Variants in DIS3L2 observed in about 807,000 individuals in gnomAD.
DIS3L2 encodes DIS3 like 3'-5' exoribonuclease 2, also known as DIS3-like exonuclease 2.
DIS3L2 carries 34 observed loss-of-function variants against 97.5 expected under a neutral mutation model. The observed-to-expected ratio is 0.35, with a 90% CI of 0.27 to 0.46. DIS3L2 has a LOEUF of 0.46. Ranked by LOEUF, DIS3L2 falls within the 20% of genes least tolerant of loss-of-function variation. DIS3L2 has a pLI of 1.00. For synonymous variants in DIS3L2, 435 were observed against 445.2 expected (o/e 0.98, Z 0.29); for missense variants, 1,038 against 1,146.0 (o/e 0.91, Z 1.36).
chr2:232,163,658 C>T (rs781304578), intron 9 of DIS3L2, 26 bp downstream of exon 9: 7 of 1,603,218 alleles, frequency 4.4e-6, no homozygotes, highest in Middle Eastern at 2.2e-4. Context: ...CCTTTAAGAA[C>T]GTATATCTCC....
intron 5 of DIS3L2, among the ~76,000 whole-genome samples, chr2:232,086,535 C>CA (rs1168919900): frequency 6.9e-6 from 1 of 144,372 alleles, no homozygotes; most frequent in African/African-American, 2.6e-5. Flanking sequence ...TTTGTGGAAC[C>CA]ATTAGTGGCA....
In DIS3L2 at chr2:232,263,378, C is replaced by A. The variant is rs372209368; in HGVS notation, c.1597C>A (p.His533Asn). Residue 533 changes from histidine (H) to asparagine (N), a missense_variant, in exon 13 of 21, where the codon CAC becomes AAC. Transcript: ENST00000325385. Reference protein sequence around the residue: ...EEVHQAVLNLHGIAKQLRQQR... With the variant: ...EEVHQAVLNLNGIAKQLRQQR... Reference sequence around the variant, plus strand: ...GGTACACCAGGCCGTCTTGAATCTCCACGGAATTGCCAAGCAGTTACGCCA... The same window carrying A: ...GGTACACCAGGCCGTCTTGAATCTCAACGGAATTGCCAAGCAGTTACGCCA... 1.6e-5 allele frequency: 26 copies of A among 1,614,186 alleles called. No individual in the cohort carries two copies. The African/African-American group carries it at 3.3e-4, about 21-fold the overall frequency.
intron 5 of DIS3L2, among the ~76,000 whole-genome samples, chr2:232,067,897 G>C (rs1695895577): frequency 2.0e-5 from 3 of 152,048 alleles, no homozygotes; most frequent in Admixed American, 2.0e-4. Flanking sequence ...TTGAATCACT[G>C]TGTCTAATAT....
At chr2:232,263,181 C>A in intron 12 of DIS3L2, 26 bp from the exon 13 acceptor site, 4 of 1,608,078 alleles carry the variant, frequency 2.5e-6, no homozygotes, top group South Asian at 1.1e-5. Flanking sequence ...CCTCACAATT[C>A]CCTTGTAATC....
chr2:232,247,613 C>CGGGGGGG (rs1559173516), intron 11 of DIS3L2, among the ~76,000 whole-genome samples: 1 of 12,384 alleles, frequency 8.1e-5, no homozygotes, highest in African/African-American at 3.1e-4. Flanking sequence ...CATATAACTG[C>CGGGGGGG]CGCGGGGGGG....
chr2:232,196,586 C>A (rs569492122), intron 9 of DIS3L2, among the ~76,000 whole-genome samples: 5 of 152,182 alleles, frequency 3.3e-5, no homozygotes, highest in African/African-American at 9.6e-5. Flanking sequence ...AAAGACTTGA[C>A]AGGAAAGCCC....
intron 5 of DIS3L2, among the ~76,000 whole-genome samples, chr2:232,061,432 T>C (rs1695700457): frequency 6.6e-6 from 1 of 152,214 alleles, no homozygotes; most frequent in Non-Finnish European, 1.5e-5. Flanking sequence ...TCTTCCCAAA[T>C]CTTTGGGCAG....
chr2:232,070,832 C>T (rs1020565067), intron 5 of DIS3L2, among the ~76,000 whole-genome samples: 54 of 152,152 alleles, frequency 3.5e-4, no homozygotes, highest in African/African-American at 1.2e-3. Flanking sequence ...ATCTGCCCCC[C>T]TCGGCCTCCC....
chr2:232,240,319 T>C (rs1011024437), intron 11 of DIS3L2, among the ~76,000 whole-genome samples: 6 of 152,172 alleles, frequency 3.9e-5, no homozygotes, highest in South Asian at 2.1e-4. Context: ...TCACATTAGG[T>C]GATCAGAACC....
At chr2:232,081,199 A>C (rs1449362820) in intron 5 of DIS3L2, among the ~76,000 whole-genome samples, 1 of 152,114 alleles carries the variant, frequency 6.6e-6, no homozygotes, top group Non-Finnish European at 1.5e-5. Flanking sequence ...GTACTTCCTG[A>C]TATAGTGAAT....
chr2:232,052,172 A>G (rs550204747), intron 5 of DIS3L2, among the ~76,000 whole-genome samples: 30 of 152,022 alleles, frequency 2.0e-4, no homozygotes, highest in Middle Eastern at 3.4e-3. Flanking sequence ...ACAGATGCCC[A>G]TCACCATGTC....
intron 1 of DIS3L2, among the ~76,000 whole-genome samples, chr2:231,962,770 G>GT (rs1692605026): frequency 6.6e-6 from 1 of 152,104 alleles, no homozygotes; most frequent in African/African-American, 2.4e-5. Context: ...TGCGCTCAAT[G>GT]TTTCTACTCC....
At chr2:232,049,647 T>G (rs1695346772) in intron 5 of DIS3L2, among the ~76,000 whole-genome samples, 1 of 152,152 alleles carries the variant, frequency 6.6e-6, no homozygotes. Context: ...AGACACAGGT[T>G]TTTATCCATT....
Position 232,213,661 on chromosome 2 carries a change from G to GTTT in DIS3L2, c.1204+3278_1204+3280dup, listed in dbSNP as rs67846645. Reference sequence around the variant, plus strand: ...TCTCGGTCTATTTATATCATCTGTAGTTTTTTTTTTTTTTTTTTTTTTTTA... The same window carrying GTTT: ...TCTCGGTCTATTTATATCATCTGTAGTTTTTTTTTTTTTTTTTTTTTTTTTTTA... On this transcript the variant is annotated intron_variant, in intron 10 of 20. Coordinates refer to ENST00000325385, the MANE Select transcript of DIS3L2 (RefSeq NM_152383.5). Among the ~76,000 whole-genome samples the GTTT allele has an allele frequency of 1.5e-3, 124 of 80,710 alleles. 1 individual carries two copies. The highest frequency in any genetic ancestry group is 6.4e-3 in the South Asian group (10 of 1,572). 52.9% of individuals were successfully genotyped at this position (80,710 alleles called of 152,430 possible).
downstream of DIS3L2, chr2:232,339,742 G>A: frequency 2.2e-6 from 1 of 455,904 alleles, no homozygotes; most frequent in South Asian, 1.6e-5. Flanking sequence ...GAGAGAGCCG[G>A]GCCTGCCCAG....
At chr2:231,994,585 T>TA (rs1693679177) in intron 1 of DIS3L2, among the ~76,000 whole-genome samples, 1 of 152,118 alleles carries the variant, frequency 6.6e-6, no homozygotes, top group Admixed American at 6.6e-5. Flanking sequence ...TATAGTTACA[T>TA]ACATTGAAAA....
At position 232,268,030 on chromosome 2, in the gene DIS3L2, C is replaced by T. The variant is rs1049351470; in HGVS notation, c.1659+4590C>T. 1.3e-5 allele frequency among the ~76,000 whole-genome samples: 2 copies of T among 152,184 alleles called. No homozygotes were observed. The highest frequency in any genetic ancestry group is 2.9e-5 in the Non-Finnish European group (2 of 68,026). ...TCCTCATCAGTCAGGTGGCAGTACC[C>T]AGAAGCCACTCTGTTTGAGGGCTTC... On this transcript the variant is annotated intron_variant, in intron 13 of 20. Coordinates refer to ENST00000325385, the MANE Select transcript of DIS3L2 (RefSeq NM_152383.5). The surrounding 1 kb of genome is among the most constrained non-coding windows in gnomAD (Gnocchi z 4.1).
intron 6 of DIS3L2, among the ~76,000 whole-genome samples, chr2:232,126,944 C>G (rs951554338): frequency 2.6e-5 from 4 of 152,176 alleles, no homozygotes; most frequent in African/African-American, 9.7e-5. Context: ...CTTCAACTTC[C>G]TTATTTCTCT....
At chr2:231,984,706 A>G (rs916627585) in intron 1 of DIS3L2, among the ~76,000 whole-genome samples, 11 of 151,856 alleles carry the variant, frequency 7.2e-5, no homozygotes, top group Non-Finnish European at 8.8e-5. Flanking sequence ...TGCAACTTCT[A>G]TCTCCCAGGT....
Sources: gnomAD v4.1 joint callset for allele counts (sites outside exome capture counted in the v4.1 genomes callset) on GRCh38, gnomAD v4.1.1 for gene constraint, Gnocchi (gnomAD v3.1) non-coding constraint, MANE v1.5 for transcripts, NCBI Gene and HGNC (gene_info 2026-07-23, HGNC 2026-07-21) for gene names.